Variants in FAM114A1 observed in about 807,000 individuals in gnomAD.
FAM114A1 encodes the protein family with sequence similarity 114 member A1, also known as protein NOXP20.
A neutral mutation model predicts 64.3 loss-of-function variants in FAM114A1; 62 were observed. That is an observed-to-expected ratio of 0.96 (90% CI 0.79 to 1.19). FAM114A1 has a LOEUF of 1.19. Ranked by LOEUF, FAM114A1 falls within the 50% of genes most tolerant of loss-of-function variation. The probability of loss-of-function intolerance (pLI) is 0.00; values close to 1 mark genes in which losing one functional copy is unlikely to be tolerated. For missense variants in FAM114A1, 645 were observed against 676.3 expected, an observed-to-expected ratio of 0.95 and a Z score of 0.51; for synonymous variants, 254 against 251.1, an observed-to-expected ratio of 1.01 and a Z score of -0.11.
Position 38,878,062 on chromosome 4 carries a change from T to A in FAM114A1, c.-8-9T>A. ...TGAAAGCATGAGGTGTTTATAATTGTGTTGACAGATACTAAAATGTCTGAT... is the reference window on the plus strand; with the variant it reads ...TGAAAGCATGAGGTGTTTATAATTGAGTTGACAGATACTAAAATGTCTGAT... On this transcript the variant is annotated splice_polypyrimidine_tract_variant and intron_variant, in intron 2 of 14. Transcript: ENST00000358869. 1 of 1,581,788 alleles carries A rather than the reference T, an allele frequency of 6.3e-7. No individual in the cohort carries two copies. The highest frequency in any genetic ancestry group is 1.2e-5 in the South Asian group (1 of 86,144).
intron 8 of FAM114A1, among the ~76,000 whole-genome samples, chr4:38,919,280 C>T (rs916073216): frequency 7.2e-5 from 11 of 152,186 alleles, no homozygotes; most frequent in Non-Finnish European, 5.9e-5. Flanking sequence ...CATTTGAATT[C>T]CCAGACTCCT....
At chr4:38,930,690 C>G (rs1720555956) in intron 10 of FAM114A1, among the ~76,000 whole-genome samples, 1 of 152,122 alleles carries the variant, frequency 6.6e-6, no homozygotes, top group African/African-American at 2.4e-5. Context: ...TTAGTGTAAG[C>G]CCCAAAACAA....
Position 38,906,846 on chromosome 4 carries a change from C to T in FAM114A1, c.657+985C>T, listed in dbSNP as rs571065439. ...GTGTATTTCTTACTATGTAAACTAA[C>T]TAGTTTTTCTAAAAATATGGCTCGT... On this transcript the variant is annotated intron_variant, in intron 6 of 14. Transcript: ENST00000358869. Among the ~76,000 whole-genome samples, 139 of 152,274 alleles carry T rather than the reference C, an allele frequency of 9.1e-4. 1 individual carries two copies. The highest frequency in any genetic ancestry group is 3.2e-3 in the African/African-American group (135 of 41,560).
intron 12 of FAM114A1, 68 bp from the exon 13 acceptor site, chr4:38,935,650 T>A: frequency 9.1e-7 from 1 of 1,098,234 alleles, no homozygotes; most frequent in South Asian, 1.5e-5. Context: ...GTATCAGAAA[T>A]GGTCGTGACA....
chr4:38,922,970 CT>C, intron 9 of FAM114A1, 77 bp downstream of exon 9: 1 of 1,453,418 alleles, frequency 6.9e-7, no homozygotes, highest in Non-Finnish European at 9.2e-7. Context: ...GAACACAGCC[CT>C]TTGAATTACT....
chr4:38,909,594 A>C (rs1293692628), intron 7 of FAM114A1, among the ~76,000 whole-genome samples: 1 of 152,228 alleles, frequency 6.6e-6, no homozygotes, highest in African/African-American at 2.4e-5. Flanking sequence ...ACTTTTCCAG[A>C]TGGAACATGC....
At chr4:38,941,091 G>A in intron 14 of FAM114A1, 70 bp downstream of exon 14, 1 of 754,202 alleles carries the variant, frequency 1.3e-6, no homozygotes. Context: ...TTTTTTTTTT[G>A]CCTTTCTTCC....
At chr4:38,922,416 T>C (rs1719688626) in intron 8 of FAM114A1, among the ~76,000 whole-genome samples, 1 of 152,238 alleles carries the variant, frequency 6.6e-6, no homozygotes, top group Non-Finnish European at 1.5e-5. Context: ...AGTGAGGAGC[T>C]GACATTTGAC....
At chr4:38,907,616 C>A (rs900235843) in intron 6 of FAM114A1, among the ~76,000 whole-genome samples, 1 of 151,946 alleles carries the variant, frequency 6.6e-6, no homozygotes, top group Non-Finnish European at 1.5e-5. Context: ...CTGGTTGGCT[C>A]CCAAATCTAA....
chr4:38,928,996 T>C (rs1172984103), intron 9 of FAM114A1: 1 of 480,322 alleles, frequency 2.1e-6, no homozygotes, highest in African/African-American at 2.0e-5. Flanking sequence ...CTTTGGGTTG[T>C]CCTGGGGGTG....
At chr4:38,868,947 A>C (rs1713744367) in intron 2 of FAM114A1, among the ~76,000 whole-genome samples, 1 of 152,204 alleles carries the variant, frequency 6.6e-6, no homozygotes, top group Non-Finnish European at 1.5e-5. Flanking sequence ...TTAGGGATGG[A>C]TTTGAGGCAC....
At chr4:38,900,948 A>G (rs1184355639) in intron 4 of FAM114A1, among the ~76,000 whole-genome samples, 1 of 43,298 alleles carries the variant, frequency 2.3e-5, no homozygotes, top group Non-Finnish European at 6.0e-5. Flanking sequence ...ATTTTACCAC[A>G]AAAAAAAAAT....
At position 38,922,850 on chromosome 4, in the gene FAM114A1, T is replaced by C. The variant is rs1270914378; in HGVS notation, c.1026T>C (p.Phe342=). Residue 342 remains phenylalanine (F), a synonymous_variant, in exon 9 of 15, where the codon TTT becomes TTC. Coordinates refer to ENST00000358869, the MANE Select transcript of FAM114A1 (RefSeq NM_138389.4). ...ACCTAATTTCCATTAAAGACATCTT[T>C]GCAGCCAAAGAATTAGAGAATGAAG... ...KNDLISIKDI[F]AAKELENEEN... 1.9e-6 allele frequency: 3 copies of C among 1,613,598 alleles called. No homozygotes were observed. Among genetic ancestry groups the C allele is most frequent in the Non-Finnish European group, 1.7e-6 (2 of 1,179,840 alleles).
intron 7 of FAM114A1, among the ~76,000 whole-genome samples, chr4:38,912,922 G>A (rs1366121425): frequency 6.6e-6 from 1 of 152,122 alleles, no homozygotes; most frequent in Non-Finnish European, 1.5e-5. Context: ...GGTTTCATTG[G>A]GTTGTTTGAA....
chr4:38,896,065 T>C (rs1052003670), intron 4 of FAM114A1, among the ~76,000 whole-genome samples: 3 of 152,136 alleles, frequency 2.0e-5, no homozygotes, highest in Non-Finnish European at 4.4e-5. Context: ...GGCTACATGC[T>C]GGAATTTTGA....
At chr4:38,880,255 C>A (rs1189038551) in intron 3 of FAM114A1, among the ~76,000 whole-genome samples, 2 of 151,982 alleles carry the variant, frequency 1.3e-5, no homozygotes, top group African/African-American at 2.4e-5. Flanking sequence ...TTTAAAAGTA[C>A]CCCAAGTGGT....
chr4:38,894,524 T>G (rs1553865344), intron 4 of FAM114A1, among the ~76,000 whole-genome samples: 1 of 152,170 alleles, frequency 6.6e-6, no homozygotes, highest in Non-Finnish European at 1.5e-5. Flanking sequence ...CTGGTTATAT[T>G]TGAACCAAGT....
In FAM114A1 at chr4:38,936,874, T is replaced by C. The variant is rs1308524983; in HGVS notation, c.1536+1084T>C. On this transcript the variant is annotated intron_variant, in intron 13 of 14. Coordinates refer to ENST00000358869, the MANE Select transcript of FAM114A1 (RefSeq NM_138389.4). ...AGAGATAAGAGTTTTCTTTGCTTCA[T>C]TGTGGCACTTGACTTTAACCAAAAG... Among the ~76,000 whole-genome samples, 4 of 152,344 alleles carry C rather than the reference T, an allele frequency of 2.6e-5. No homozygotes were observed. In the East Asian group the frequency reaches 5.8e-4, roughly 22 times the overall value.
chr4:38,908,814 C>A, intron 7 of FAM114A1, 88 bp downstream of exon 7: 1 of 1,273,966 alleles, frequency 7.8e-7, no homozygotes, highest in South Asian at 1.9e-5. Flanking sequence ...TCATTTAAAG[C>A]ATGTGATTCA....
Sources: allele counts gnomAD v4.1 joint callset (sites outside exome capture counted in the v4.1 genomes callset), GRCh38; gene constraint gnomAD v4.1.1; transcripts MANE v1.5; gene names NCBI Gene and HGNC (gene_info 2026-07-23, HGNC 2026-07-21).